Variants in CCDC171 observed in about 807,000 individuals in gnomAD.
CCDC171 encodes the protein coiled-coil domain-containing protein 171.
A neutral mutation model predicts 168.2 loss-of-function variants in CCDC171; 177 were observed. The observed-to-expected ratio is 1.05, with a 90% confidence interval of 0.93 to 1.19. The LOEUF (loss-of-function observed/expected upper bound fraction) is 1.19. Ranked by LOEUF, CCDC171 falls within the 50% of genes most tolerant of loss-of-function variation. CCDC171 has a pLI of 0.00. For missense variants in CCDC171, 1,991 were observed against 1,539.0 expected (o/e 1.29, Z -4.91); for synonymous variants, 687 against 540.8 (o/e 1.27, Z -3.75).
intron 9 of CCDC171, among the ~76,000 whole-genome samples, chr9:15,670,996 G>T (rs1209635032): frequency 6.6e-6 from 1 of 152,112 alleles, no homozygotes; most frequent in Non-Finnish European, 1.5e-5. Flanking sequence ...GGAGGCTGAG[G>T]TATAAGGATT....
chr9:16,066,231 G>A (rs974145920), downstream of CCDC171, among the ~76,000 whole-genome samples: 1 of 152,138 alleles, frequency 6.6e-6, no homozygotes, highest in Non-Finnish European at 1.5e-5. Context: ...CTGCCTAACA[G>A]TGTGAGCATT....
chr9:15,971,335 T>C (rs1447082498), intron 25 of CCDC171, among the ~76,000 whole-genome samples: 1 of 152,190 alleles, frequency 6.6e-6, no homozygotes. Context: ...GACTCTCTGA[T>C]ATAATAACTT....
chr9:15,648,387 G>C (rs558439155), intron 7 of CCDC171, among the ~76,000 whole-genome samples: 4 of 152,310 alleles, frequency 2.6e-5, no homozygotes, highest in African/African-American at 7.2e-5. Context: ...AGTGTTGGAA[G>C]TTCTGGCCAG....
At chr9:15,995,258 C>G (rs536569696) in intron 3 of CCDC171, among the ~76,000 whole-genome samples, 2 of 152,298 alleles carry the variant, frequency 1.3e-5, no homozygotes, top group Middle Eastern at 3.4e-3. Context: ...TTTCAGCTGG[C>G]CAAGAACAGA....
At chr9:15,874,828 T>C (rs2794633) in intron 24 of CCDC171, 165 bp downstream of exon 24, 522,771 of 624,956 alleles carry the variant, frequency 0.84, 220,617 homozygotes, top group Non-Finnish European at 0.87. Flanking sequence ...TTACAAAATA[T>C]TGTTTTTTTC....
At chr9:16,081,861 A>C in the CCDC171 span, among the ~76,000 whole-genome samples, 20 of 152,244 alleles carry the variant, frequency 1.3e-4, no homozygotes, top group South Asian at 4.2e-3. Flanking sequence ...ACTTTAAAAA[A>C]AAAAACCCAG....
chr9:15,663,580 A>G (rs1391291072), intron 8 of CCDC171, among the ~76,000 whole-genome samples: 1 of 150,804 alleles, frequency 6.6e-6, no homozygotes, highest in Non-Finnish European at 1.5e-5. Context: ...CTATGTGGAG[A>G]ACTACATAGA....
At chr9:15,595,805 C>G (rs963665123) in intron 6 of CCDC171, among the ~76,000 whole-genome samples, 1 of 152,172 alleles carries the variant, frequency 6.6e-6, no homozygotes, top group Non-Finnish European at 1.5e-5. Context: ...CTCTCTAGCA[C>G]CTGTTGTTTC....
rs369417365 is a variant in CCDC171 at position 15,727,945 on chromosome 9, T to C, written c.1769T>C (p.Met590Thr). ...GCVLIKQPEG[M>T]LDKFSWSELC... ...GTGCTCATAAAACAACCAGAAGGCA[T>C]GCTGGATAAATTCTCTTGGTCTGAG... The change falls in exon 15 of 26, where the codon ATG becomes ACG. Residue 590 changes from methionine (M) to threonine (T), a missense_variant. Coordinates refer to ENST00000380701, the MANE Select transcript of CCDC171 (RefSeq NM_173550.4). The C allele has an allele frequency of 3.1e-6, 5 of 1,613,412 alleles. No homozygotes were observed. The South Asian group carries it at 5.5e-5, about 18-fold the overall frequency.
Position 15,627,613 on chromosome 9 carries a change from C to T in CCDC171, c.822+4200C>T, listed in dbSNP as rs545932596. ...TCAGGAGCAGGTTGTTCAGTTTCCACGTAGTTGAGTGGTTTTGAATGAGTT... is the reference window on the plus strand; with the variant it reads ...TCAGGAGCAGGTTGTTCAGTTTCCATGTAGTTGAGTGGTTTTGAATGAGTT... On this transcript the variant is annotated intron_variant, in intron 7 of 25. Transcript: ENST00000380701. Among the ~76,000 whole-genome samples, 254 of 152,188 alleles carry T rather than the reference C, an allele frequency of 1.7e-3. 4 individuals are homozygous for T. Among genetic ancestry groups the T allele is most frequent in the Admixed American group, 0.014 (213 of 15,268 alleles).
At chr9:15,738,603 T>C (rs1010916289) in intron 16 of CCDC171, among the ~76,000 whole-genome samples, 7 of 152,108 alleles carry the variant, frequency 4.6e-5, no homozygotes, top group Non-Finnish European at 7.4e-5. Flanking sequence ...TTAATCTCCT[T>C]GGGTGGAAAA....
intron 10 of CCDC171, among the ~76,000 whole-genome samples, chr9:15,689,044 A>T (rs1367407705): frequency 1.3e-5 from 2 of 152,216 alleles, no homozygotes; most frequent in African/African-American, 4.8e-5. Flanking sequence ...CCATTTAGGA[A>T]AGCAGTTGTA....
At chr9:15,645,715 C>G (rs12340969) in intron 7 of CCDC171, among the ~76,000 whole-genome samples, 6 of 152,002 alleles carry the variant, frequency 3.9e-5, no homozygotes, top group South Asian at 4.2e-4. Context: ...TAAAAAGAAA[C>G]GAACGGAACG....
At position 15,971,951 on chromosome 9, in the gene CCDC171, A is replaced by C. The variant is rs906320994; in HGVS notation, c.*115A>C. 5 of 869,590 alleles carry C rather than the reference A, an allele frequency of 5.7e-6. No individual in the cohort carries two copies. The highest frequency in any genetic ancestry group is 2.2e-5 in the Admixed American group (1 of 45,656). The allele number at this position is 869,590 out of a possible 1,614,324, so 53.9% of individuals were successfully genotyped here. A position where few individuals can be genotyped will look rare whatever the true frequency, so the allele number is the denominator to read the frequency against. The stretch of plus-strand genomic sequence containing the variant: ...AGCAGAAGTGGCAGTGGATTTAAAA[A>C]ATTTGTGCGCTATCTTGATGTATTC... On this transcript the variant is annotated 3_prime_UTR_variant, in exon 26 of 26. Coordinates refer to ENST00000380701, the MANE Select transcript of CCDC171 (RefSeq NM_173550.4).
intron 6 of CCDC171, among the ~76,000 whole-genome samples, chr9:15,608,284 C>A (rs1410023390): frequency 2.0e-5 from 3 of 152,182 alleles, no homozygotes; most frequent in African/African-American, 7.2e-5. Flanking sequence ...ACATTCAAAC[C>A]ATAACACTGA....
At chr9:15,788,672 A>G (rs1044208760) in intron 21 of CCDC171, among the ~76,000 whole-genome samples, 9 of 151,368 alleles carry the variant, frequency 5.9e-5, no homozygotes, top group Admixed American at 5.3e-4. Context: ...GCCTCACCCT[A>G]TCAAGAAGCT....
intron 20 of CCDC171, among the ~76,000 whole-genome samples, chr9:15,783,174 A>G (rs1305131949): frequency 6.6e-6 from 1 of 152,222 alleles, no homozygotes; most frequent in Non-Finnish European, 1.5e-5. Context: ...GTATTATGAT[A>G]TAGAAGGACC....
intron 21 of CCDC171, among the ~76,000 whole-genome samples, chr9:15,810,488 GCCAT>G (rs2059296732): frequency 1.2e-4 from 17 of 140,716 alleles, no homozygotes; most frequent in Admixed American, 2.1e-4. Flanking sequence ...TTGGGGGCCC[GCCAT>G]GGGGTGGGGG....
chr9:15,674,055 A>C (rs1160771087), intron 9 of CCDC171, among the ~76,000 whole-genome samples: 1 of 152,114 alleles, frequency 6.6e-6, no homozygotes, highest in African/African-American at 2.4e-5. Context: ...CAGAGATTCA[A>C]CTTCTTTCTG....
Sources: allele counts gnomAD v4.1 joint callset (sites outside exome capture counted in the v4.1 genomes callset), GRCh38; gene constraint gnomAD v4.1.1; transcripts MANE v1.5; gene names NCBI Gene and HGNC (gene_info 2026-07-23, HGNC 2026-07-21).